Variants in WSB2 observed in about 807,000 individuals in gnomAD.
The protein encoded by WSB2 is WD repeat and SOCS box-containing protein 2.
WSB2 carries 12 observed loss-of-function variants against 48.8 expected under a neutral mutation model. That is an observed-to-expected ratio of 0.25 (90% CI 0.16 to 0.40). The LOEUF is 0.40. Among genes scored for constraint, WSB2 ranks in the 10% least tolerant of loss-of-function variants. The probability of loss-of-function intolerance (pLI) is 1.00; values close to 1 mark genes in which losing one functional copy is unlikely to be tolerated. For missense variants in WSB2, 317 were observed against 506.2 expected, an observed-to-expected ratio of 0.63 and a Z score of 3.59; for synonymous variants, 191 against 203.1, an observed-to-expected ratio of 0.94 and a Z score of 0.51.
chr12:118,043,314 G>C lies in WSB2; in HGVS notation c.246C>G (p.Ser82Arg), dbSNP rs1331352432. 1.2e-6 allele frequency: 2 copies of C among 1,611,012 alleles called. No individual in the cohort carries two copies. Among genetic ancestry groups the C allele is most frequent in the Admixed American group, 3.4e-5 (2 of 59,522 alleles). The part of the protein sequence containing the change: ...SSKNETKGRG[S>R]PKEKTLDCGQ... Reference sequence around the variant, plus strand: ...CACAGTCCAGCGTCTTCTCTTTTGGGCTGCCCCGCCCTTTCGTCTCATTTT... The same window carrying C: ...CACAGTCCAGCGTCTTCTCTTTTGGCCTGCCCCGCCCTTTCGTCTCATTTT... The change falls in exon 3 of 9, where the codon AGC becomes AGG. Residue 82 changes from serine to arginine, a missense_variant. Coordinates refer to ENST00000315436, the MANE Select transcript of WSB2 (RefSeq NM_018639.5).
intron 5 of WSB2, among the ~76,000 whole-genome samples, chr12:118,036,948 G>A (rs1271585805): frequency 1.3e-5 from 2 of 152,070 alleles, no homozygotes; most frequent in Non-Finnish European, 2.9e-5. Context: ...TTGGGTGGCT[G>A]AGGTGGGTGG....
rs868054833 is a variant in WSB2, at chr12:118,059,375, T to C, written c.13+1661A>G. Among the ~76,000 whole-genome samples the C allele has an allele frequency of 5.3e-5, 8 of 152,210 alleles. No individual in the cohort carries two copies. In the South Asian group the frequency reaches 1.4e-3, roughly 28 times the overall value. On this transcript the variant is annotated intron_variant, in intron 1 of 8. Transcript: ENST00000315436. The stretch of plus-strand genomic sequence containing the variant: ...ACATACGTGGCTCACATTAGACTTC[T>C]GTTGGTCGGGGCTGGCCTAGAGGGT...
At chr12:118,050,441 G>T (rs2031828634) in intron 2 of WSB2, among the ~76,000 whole-genome samples, 2 of 151,878 alleles carry the variant, frequency 1.3e-5, no homozygotes, top group Admixed American at 1.3e-4. Flanking sequence ...TTGAGGCCAG[G>T]AGTTCAAGAC....
chr12:118,038,135 A>T (rs2031553585), intron 5 of WSB2, 153 bp downstream of exon 5: 1 of 598,538 alleles, frequency 1.7e-6, no homozygotes, highest in East Asian at 3.1e-5. Flanking sequence ...AGTGCAAGTC[A>T]CAAGGGACTT....
At chr12:118,052,797 C>G (rs1017279350) in intron 1 of WSB2, among the ~76,000 whole-genome samples, 10 of 152,164 alleles carry the variant, frequency 6.6e-5, no homozygotes, top group Non-Finnish European at 1.3e-4. Flanking sequence ...CAGGAATATG[C>G]TAGACGGTGC....
chr12:118,055,313 G>C (rs1027223212), intron 1 of WSB2, among the ~76,000 whole-genome samples: 1 of 152,230 alleles, frequency 6.6e-6, no homozygotes, highest in East Asian at 1.9e-4. Context: ...ACTCTACAGC[G>C]CACAGGACAG....
chr12:118,036,732 C>G (rs1320156064), intron 5 of WSB2, among the ~76,000 whole-genome samples: 1 of 152,178 alleles, frequency 6.6e-6, no homozygotes, highest in South Asian at 2.1e-4. Flanking sequence ...AAGGAGCTCA[C>G]TATAAGAGAG....
At chr12:118,037,527 G>A (rs2031539655) in intron 5 of WSB2, among the ~76,000 whole-genome samples, 1 of 152,034 alleles carries the variant, frequency 6.6e-6, no homozygotes. Context: ...AATTAGCCAG[G>A]CGTGGTGTAG....
intron 4 of WSB2, among the ~76,000 whole-genome samples, chr12:118,039,813 G>A (rs772928345): frequency 4.0e-5 from 6 of 151,004 alleles, no homozygotes; most frequent in African/African-American, 7.3e-5. Flanking sequence ...GCATGATCCC[G>A]GCTCACTGCA....
chr12:118,060,979 G>C lies in WSB2; in HGVS notation c.13+57C>G, dbSNP rs1307301091. 1.1e-4 allele frequency: 41 copies of C among 368,560 alleles called. No homozygotes were observed. Among genetic ancestry groups the C allele is most frequent in the Non-Finnish European group, 1.4e-4 (37 of 273,800 alleles). The allele number at this position is 368,560 out of a possible 1,614,324, so 22.8% of individuals were successfully genotyped here. A position where few individuals can be genotyped will look rare whatever the true frequency, so the allele number is the denominator to read the frequency against. On this transcript the variant is annotated intron_variant, in intron 1 of 8. Coordinates refer to ENST00000315436, the MANE Select transcript of WSB2 (RefSeq NM_018639.5). The surrounding 1 kb of genome is among the most constrained non-coding windows in gnomAD (Gnocchi z 4.1). ...CCCCGGGGTCGCCTCCCCCCTCCCC[G>C]GGGAGAACGGGCCAGGGCCCCGCCG...
chr12:118,054,230 A>C (rs1448464745), intron 1 of WSB2, among the ~76,000 whole-genome samples: 1 of 150,064 alleles, frequency 6.7e-6, no homozygotes, highest in African/African-American at 2.4e-5. Context: ...AAAAAAAAAA[A>C]AAAAAAAAAA....
At chr12:118,058,707 T>C (rs937669271) in intron 1 of WSB2, among the ~76,000 whole-genome samples, 1 of 151,648 alleles carries the variant, frequency 6.6e-6, no homozygotes, top group African/African-American at 2.4e-5. Context: ...CTTCTTTTTT[T>C]TTTTTTGAGA....
rs890506408 is a variant in WSB2 at position 118,057,936 on chromosome 12, A to T, written c.13+3100T>A. 9.8e-4 allele frequency among the ~76,000 whole-genome samples: 106 copies of T among 108,550 alleles called. 1 individual carries two copies. Among genetic ancestry groups the T allele is most frequent in the South Asian group, 5.7e-3 (16 of 2,818 alleles). 71.2% of individuals were successfully genotyped at this position (108,550 alleles called of 152,430 possible). A position where few individuals can be genotyped will look rare whatever the true frequency, so the allele number is the denominator to read the frequency against. On this transcript the variant is annotated intron_variant, in intron 1 of 8. Transcript: ENST00000315436. ...CACACTCAGCATTTTTTTTTTTTTT[A>T]AATTAAATTTTTAGTAGAGATGGGG... is the stretch of plus-strand genomic sequence containing the variant.
At chr12:118,036,010 T>TG (rs1332901442) in intron 6 of WSB2, 2 of 181,900 alleles carry the variant, frequency 1.1e-5, no homozygotes, top group Non-Finnish European at 2.3e-5. Flanking sequence ...GAGACTAGCC[T>TG]GGCCAACATG....
chr12:118,036,281 G>A, intron 6 of WSB2, 57 bp downstream of exon 6: 1 of 1,566,852 alleles, frequency 6.4e-7, no homozygotes, highest in Non-Finnish European at 8.7e-7. Context: ...TCTAATCCCA[G>A]GCAGGTTCCT....
rs2031558928 is a variant in WSB2, at chr12:118,038,363, G to A, written c.585C>T (p.Gly195=). The change falls in exon 5 of 9, where the codon GGC becomes GGT. Residue 195 remains glycine (G), a synonymous_variant. Transcript: ENST00000315436. ...KHGKQIQVLS[G]HLQWVYCCSI... ...AACAGCAGTAAACCCACTGCAGGTG[G>A]CCCGATAACACTTGAATCTGTTTAC... is the stretch of plus-strand genomic sequence containing the variant. 1.2e-6 allele frequency: 2 copies of A among 1,614,156 alleles called. No individual in the cohort carries two copies. The highest frequency in any genetic ancestry group is 1.7e-6 in the Non-Finnish European group (2 of 1,180,032).
Position 118,034,147 on chromosome 12 carries a change from T to G in WSB2, c.*49A>C, listed in dbSNP as rs1435972607. 2 of 1,609,702 alleles carry G rather than the reference T, an allele frequency of 1.2e-6. No homozygotes were observed. Among genetic ancestry groups the G allele is most frequent in the East Asian group, 4.5e-5 (2 of 44,828 alleles). ...GGCCCATTATTCCAGCAACTCCCTTTGACAGGACGATTTACCCTGCTACAA... is the reference window on the plus strand; with the variant it reads ...GGCCCATTATTCCAGCAACTCCCTTGGACAGGACGATTTACCCTGCTACAA... On this transcript the variant is annotated 3_prime_UTR_variant, in exon 9 of 9. Coordinates refer to ENST00000315436, the MANE Select transcript of WSB2 (RefSeq NM_018639.5).
At chr12:118,040,216 AGGGTGC>A (rs1258566334) in intron 4 of WSB2, among the ~76,000 whole-genome samples, 21 of 152,058 alleles carry the variant, frequency 1.4e-4, no homozygotes, top group African/African-American at 4.8e-4. Context: ...GTCAAATCTC[AGGGTGC>A]TGGGAGTACT....
chr12:118,038,709 C>A (rs977652823), intron 4 of WSB2, among the ~76,000 whole-genome samples: 12 of 152,132 alleles, frequency 7.9e-5, no homozygotes, highest in African/African-American at 2.9e-4. Context: ...GAGTCTTGCT[C>A]TTGCTCTGTC....
Sources: gnomAD v4.1 joint callset for allele counts (sites outside exome capture counted in the v4.1 genomes callset) on GRCh38, gnomAD v4.1.1 for gene constraint, Gnocchi (gnomAD v3.1) non-coding constraint, MANE v1.5 for transcripts, NCBI Gene and HGNC (gene_info 2026-07-23, HGNC 2026-07-21) for gene names.